The following C18orf63 variants were observed in gnomAD, a reference collection of about 807,000 sequenced individuals.
C18orf63 encodes the protein uncharacterized protein C18orf63.
Under a neutral mutation model 75.3 loss-of-function variants are expected in C18orf63, and 50 were observed. That is an observed-to-expected ratio of 0.66 (90% CI 0.53 to 0.84). The LOEUF is 0.84. C18orf63 is among the 40% of genes least tolerant of loss of function. The pLI, the probability that C18orf63 is intolerant of heterozygous loss-of-function variation, is 0.00. For missense variants in C18orf63, 732 were observed against 800.2 expected, an observed-to-expected ratio of 0.91 and a Z score of 1.03; for synonymous variants, 232 against 267.6, an observed-to-expected ratio of 0.87 and a Z score of 1.30.
Position 74,354,090 on chromosome 18 carries a change from T to G in C18orf63, c.1823T>G (p.Leu608Arg), listed in dbSNP as rs1180368138. The change falls in exon 12 of 14, where the codon CTG (leucine) becomes CGG (arginine). Residue 608 changes from leucine (L) to arginine (R), a missense_variant. Coordinates refer to ENST00000579455, the MANE Select transcript of C18orf63 (RefSeq NM_001174123.2). ...ESDGETEDPR[L>R]LQQQSENQAK... ...GATGGAGAAACCGAAGATCCACGAC[T>G]GCTACAGCAGCAATCAGAAAATCAA... is the stretch of plus-strand genomic sequence containing the variant. 1.3e-6 allele frequency: 2 copies of G among 1,536,300 alleles called. No individual in the cohort carries two copies. The highest frequency in any genetic ancestry group is 1.7e-6 in the Non-Finnish European group (2 of 1,146,944).
At position 74,358,958 on chromosome 18, in the gene C18orf63, T is replaced by C. The variant is rs1180374345; in HGVS notation, c.*2511T>C. On this transcript the variant is annotated 3_prime_UTR_variant, in exon 14 of 14. Coordinates refer to ENST00000579455, the MANE Select transcript of C18orf63 (RefSeq NM_001174123.2). The stretch of plus-strand genomic sequence containing the variant: ...AATGAACTTGTTAATGATTAGCTTT[T>C]ATTTGACTAACCAGTTGACCAATTT... The C allele has an allele frequency of 6.6e-6, 1 of 152,158 alleles. No homozygotes were observed. The highest frequency in any genetic ancestry group is 2.4e-5 in the African/African-American group (1 of 41,444). 9.4% of individuals were successfully genotyped at this position (152,158 alleles called of 1,614,324 possible).
chr18:74,340,248 G>GA (rs1984458594), intron 8 of C18orf63, among the ~76,000 whole-genome samples: 1 of 152,242 alleles, frequency 6.6e-6, no homozygotes, highest in East Asian at 1.9e-4. Flanking sequence ...ACAGGTGTAT[G>GA]AAAAAATGCT....
chr18:74,328,090 C>A, intron 5 of C18orf63, 32 bp downstream of exon 5: 1 of 1,243,402 alleles, frequency 8.0e-7, no homozygotes, highest in Non-Finnish European at 1.1e-6. Context: ...TTGGGGCTTT[C>A]TGAACTAGAT....
Position 74,354,566 on chromosome 18 carries a change from T to G in C18orf63, c.*33+20T>G. ...TACCAGGTAACTGAAGTGATAGCTT[T>G]TGATTTGTTTTTACATTATCTGAAT... On this transcript the variant is annotated intron_variant, in intron 13 of 13. Coordinates refer to ENST00000579455, the MANE Select transcript of C18orf63 (RefSeq NM_001174123.2). 1 of 1,169,324 alleles carries G rather than the reference T, an allele frequency of 8.6e-7. No individual in the cohort carries two copies. Among genetic ancestry groups the G allele is most frequent in the Non-Finnish European group, 1.2e-6 (1 of 837,890 alleles). The allele number at this position is 1,169,324 out of a possible 1,614,324, so 72.4% of individuals were successfully genotyped here.
At chr18:74,321,828 TAA>T (rs199946728) in intron 3 of C18orf63, among the ~76,000 whole-genome samples, 10 of 144,176 alleles carry the variant, frequency 6.9e-5, no homozygotes, top group East Asian at 2.0e-4. Context: ...AGGTATTCTG[TAA>T]AAAAAAAAAA....
At chr18:74,324,682 C>T (rs1464515883) in intron 4 of C18orf63, among the ~76,000 whole-genome samples, 1 of 152,122 alleles carries the variant, frequency 6.6e-6, no homozygotes, top group African/African-American at 2.4e-5. Flanking sequence ...ACCCATAGTC[C>T]TTATACAATA....
intron 7 of C18orf63, among the ~76,000 whole-genome samples, chr18:74,336,376 G>T (rs1239024943): frequency 6.6e-6 from 1 of 151,998 alleles, no homozygotes; most frequent in Non-Finnish European, 1.5e-5. Flanking sequence ...GTTACTTGAG[G>T]AATTAAGAGA....
chr18:74,336,140 T>C (rs567652598), intron 7 of C18orf63, among the ~76,000 whole-genome samples: 124 of 152,162 alleles, frequency 8.1e-4, no homozygotes, highest in Non-Finnish European at 1.5e-3. Context: ...TTAAGTAAGT[T>C]GCTCTGGATC....
Position 74,343,717 on chromosome 18 carries a change from G to T in C18orf63, c.978+15G>T, listed in dbSNP as rs1039582005. Reference sequence around the variant, plus strand: ...CTAATATACAGGTAAGAGATCTCTTGTCCTATCTAGTTCTCCAAGACATAC... The same window carrying T: ...CTAATATACAGGTAAGAGATCTCTTTTCCTATCTAGTTCTCCAAGACATAC... On this transcript the variant is annotated intron_variant, in intron 11 of 13. Coordinates refer to ENST00000579455, the MANE Select transcript of C18orf63 (RefSeq NM_001174123.2). The T allele has an allele frequency of 2.1e-6, 3 of 1,444,104 alleles. No homozygotes were observed. In the African/African-American group the frequency reaches 4.3e-5, roughly 21 times the overall value. 89.5% of individuals were successfully genotyped at this position (1,444,104 alleles called of 1,614,324 possible).
In C18orf63 at chr18:74,341,883, C is replaced by T. The variant is rs969555585; in HGVS notation, c.612-149C>T. On this transcript the variant is annotated intron_variant, in intron 8 of 13. Coordinates refer to ENST00000579455, the MANE Select transcript of C18orf63 (RefSeq NM_001174123.2). ...AGCAAAATAAAAAGATTTAGTACAA[C>T]GTGTTTGAAACTTGAGATGTTTAGT... 4.2e-5 allele frequency: 21 copies of T among 502,224 alleles called. No homozygotes were observed. In the Middle Eastern group the frequency reaches 1.5e-3, roughly 36 times the overall value. 31.1% of individuals were successfully genotyped at this position (502,224 alleles called of 1,614,324 possible).
At chr18:74,332,894 T>G (rs1984333393) in intron 7 of C18orf63, among the ~76,000 whole-genome samples, 6 of 152,178 alleles carry the variant, frequency 3.9e-5, no homozygotes, top group Admixed American at 3.9e-4. Context: ...TGTGGCTTAT[T>G]CAACTTTGAA....
chr18:74,336,830 C>T (rs1314924007), intron 7 of C18orf63, among the ~76,000 whole-genome samples: 3 of 152,016 alleles, frequency 2.0e-5, no homozygotes, highest in Non-Finnish European at 2.9e-5. Flanking sequence ...AATTTACCTA[C>T]CTAAATACTT....
chr18:74,342,047 A>G lies in C18orf63; in HGVS notation c.627A>G (p.Gln209=), dbSNP rs1984497088. 3.3e-6 allele frequency: 5 copies of G among 1,515,670 alleles called. No individual in the cohort carries two copies. The highest frequency in any genetic ancestry group is 4.4e-6 in the Non-Finnish European group (5 of 1,129,946). The allele number at this position is 1,515,670 out of a possible 1,614,324, so 93.9% of individuals were successfully genotyped here. A position where few individuals can be genotyped will look rare whatever the true frequency, so the allele number is the denominator to read the frequency against. ...TTTTTCATAGTATGAAAATGGGACAAATTATAAATATTTTTCATGCCATCC... is the reference window on the plus strand; with the variant it reads ...TTTTTCATAGTATGAAAATGGGACAGATTATAAATATTTTTCATGCCATCC... ...CYVLPSMKMG[Q]IINIFHAIPA... is the part of the protein sequence containing the mutation. The change falls in exon 9 of 14, where the codon CAA becomes CAG. Residue 209 remains glutamine, a synonymous_variant. Transcript: ENST00000579455.
rs1984016137 is a variant in C18orf63 at position 74,316,066 on chromosome 18, A to C, written c.-76A>C. 2.0e-5 allele frequency: 3 copies of C among 152,086 alleles called. No individual in the cohort carries two copies. Among genetic ancestry groups the C allele is most frequent in the Non-Finnish European group, 4.4e-5 (3 of 68,046 alleles). 9.4% of individuals were successfully genotyped at this position (152,086 alleles called of 1,614,324 possible). On this transcript the variant is annotated 5_prime_UTR_variant, in exon 1 of 14. Coordinates refer to ENST00000579455, the MANE Select transcript of C18orf63 (RefSeq NM_001174123.2). ...CTGAGGAGACGCCTGACGCATCTGC[A>C]GTGCAGGAGGCCGTGGGCGTTAGAA...
intron 1 of C18orf63, 33 bp downstream of exon 1, chr18:74,316,142 G>T (rs1984018631): frequency 6.6e-6 from 1 of 152,262 alleles, no homozygotes; most frequent in African/African-American, 2.4e-5. Flanking sequence ...CTTCCCCACG[G>T]TTGCGGAGGA....
chr18:74,353,403 C>G lies in C18orf63; in HGVS notation c.1136C>G (p.Ser379Ter). The G allele has an allele frequency of 6.5e-7, 1 of 1,536,314 alleles. No homozygotes were observed. Among genetic ancestry groups the G allele is most frequent in the Non-Finnish European group, 8.7e-7 (1 of 1,146,960 alleles). The stretch of plus-strand genomic sequence containing the variant: ...GAGCTTTCAGTCAGCCAGCCAACAT[C>G]AGGCATTTTCTCAGCTTTGCATCTC... Reference protein sequence around the residue: ...KVELSVSQPTSGIFSALHLQP... With the variant: ...KVELSVSQPT Residue 379 changes from serine to a stop codon, truncating the protein, a stop_gained, in exon 12 of 14, where the codon TCA becomes TGA. Coordinates refer to ENST00000579455, the MANE Select transcript of C18orf63 (RefSeq NM_001174123.2). LOFTEE classifies it high-confidence loss of function.
At chr18:74,316,630 C>T (rs1485238872) in intron 1 of C18orf63, among the ~76,000 whole-genome samples, 1 of 152,134 alleles carries the variant, frequency 6.6e-6, no homozygotes, top group African/African-American at 2.4e-5. Flanking sequence ...GTTCCTTGCC[C>T]TGCTGGGGAT....
In C18orf63 at chr18:74,353,734, C is replaced by A. The variant is rs1478402116; in HGVS notation, c.1467C>A (p.Asn489Lys). 6.5e-7 allele frequency: 1 copy of A among 1,535,868 alleles called. No individual in the cohort carries two copies. Reference sequence around the variant, plus strand: ...TGAATTTAGGTCCAGCTATAAAAAACCGTTATAGTAGTAACATTCAGATGC... The same window carrying A: ...TGAATTTAGGTCCAGCTATAAAAAAACGTTATAGTAGTAACATTCAGATGC... ...DKLNLGPAIK[N>K]RYSSNIQMQA... The change falls in exon 12 of 14, where the codon AAC (asparagine) becomes AAA (lysine). Residue 489 changes from asparagine to lysine, a missense_variant. Transcript: ENST00000579455.
intron 8 of C18orf63, 52 bp from the exon 9 acceptor site, chr18:74,341,980 T>C: frequency 1.2e-6 from 1 of 869,138 alleles, no homozygotes; most frequent in Non-Finnish European, 1.8e-6. Context: ...AGTTGACTTA[T>C]TAAACTATAT....
Sources: allele counts gnomAD v4.1 joint callset (sites outside exome capture counted in the v4.1 genomes callset), GRCh38; gene constraint gnomAD v4.1.1; transcripts MANE v1.5; gene names NCBI Gene and HGNC (gene_info 2026-07-23, HGNC 2026-07-21).